The following PXK variants were observed in gnomAD, a reference collection of about 807,000 sequenced individuals.
PXK encodes PX domain containing serine/threonine kinase like.
In PXK, 35 loss-of-function variants were observed where a neutral mutation model predicts 84.7. The ratio of observed to expected loss-of-function variants is 0.41; its 90% CI spans 0.32 to 0.55. The LOEUF is 0.55. Among genes scored for constraint, PXK ranks in the 20% least tolerant of loss-of-function variants. PXK has a pLI of 0.21. For synonymous variants in PXK, 253 were observed against 260.8 expected (o/e 0.97, Z 0.29); for missense variants, 634 against 699.7 (o/e 0.91, Z 1.06).
At chr3:58,392,763 G>A (rs1343611759) in intron 7 of PXK, among the ~76,000 whole-genome samples, 1 of 151,754 alleles carries the variant, frequency 6.6e-6, no homozygotes, top group African/African-American at 2.4e-5. Flanking sequence ...CTGGGTTCAG[G>A]CGATTCTCCT....
At chr3:58,381,588 G>A (rs1319684784) in intron 3 of PXK, among the ~76,000 whole-genome samples, 1 of 148,730 alleles carries the variant, frequency 6.7e-6, no homozygotes, top group Non-Finnish European at 1.5e-5. Context: ...ACAAGTTGCT[G>A]TAAAGGAAAA....
intron 1 of PXK, among the ~76,000 whole-genome samples, chr3:58,363,933 T>C (rs1197285686): frequency 1.3e-5 from 2 of 152,226 alleles, no homozygotes; most frequent in African/African-American, 2.4e-5. Context: ...TTTTCTAAAA[T>C]TTTTTATCAT....
At chr3:58,417,096 G>A (rs981168482) in intron 17 of PXK, among the ~76,000 whole-genome samples, 14 of 152,006 alleles carry the variant, frequency 9.2e-5, no homozygotes, top group Non-Finnish European at 1.9e-4. Context: ...GTAGAGACAG[G>A]GGTCTCATCA....
At chr3:58,404,022 A>G (rs1030290561) in intron 13 of PXK, 112 bp downstream of exon 13, 15 of 588,092 alleles carry the variant, frequency 2.6e-5, no homozygotes, top group Admixed American at 7.5e-5. Context: ...AAATTGGGAA[A>G]TAACCTAAAT....
chr3:58,403,821 G>C (rs202028473), intron 12 of PXK, 41 bp from the exon 13 acceptor site: 1 of 1,383,968 alleles, frequency 7.2e-7, no homozygotes, highest in Non-Finnish European at 1.0e-6. Context: ...GAGAGTGCAC[G>C]TGGTTCAAGA....
chr3:58,350,156 C>G (rs2097896020), intron 1 of PXK, among the ~76,000 whole-genome samples: 1 of 152,180 alleles, frequency 6.6e-6, no homozygotes, highest in African/African-American at 2.4e-5. Context: ...TAGGCATGTT[C>G]TTATAAAAAT....
At position 58,351,395 on chromosome 3, in the gene PXK, T is replaced by TGTG. The variant is rs2097920196; in HGVS notation, c.103-14479_103-14478insGTG. ...GGTGTGCGCCACCACAGCTAGCTATTTGTGTGTGTGTGTGTGTGTGTGTGT... is the reference window on the plus strand; with the variant it reads ...GGTGTGCGCCACCACAGCTAGCTATTGTGTGTGTGTGTGTGTGTGTGTGTGTGT... On this transcript the variant is annotated intron_variant, in intron 1 of 17. Coordinates refer to ENST00000356151, the MANE Select transcript of PXK (RefSeq NM_017771.5). Among the ~76,000 whole-genome samples the TGTG allele has an allele frequency of 5.0e-5, 7 of 140,582 alleles. No homozygotes were observed. In the East Asian group the frequency reaches 1.1e-3, roughly 23 times the overall value. The allele number at this position is 140,582 out of a possible 152,430, so 92.2% of individuals were successfully genotyped here. A position where few individuals can be genotyped will look rare whatever the true frequency, so the allele number is the denominator to read the frequency against.
intron 4 of PXK, among the ~76,000 whole-genome samples, chr3:58,389,837 TA>T (rs1442785169): frequency 2.0e-5 from 3 of 151,332 alleles, no homozygotes; most frequent in Non-Finnish European, 4.4e-5. Flanking sequence ...CCGTTTCTAC[TA>T]AAAATACAAA....
intron 1 of PXK, among the ~76,000 whole-genome samples, chr3:58,337,297 C>A (rs138680683): frequency 1.3e-5 from 2 of 152,314 alleles, no homozygotes; most frequent in East Asian, 3.9e-4. Flanking sequence ...AAATGGATCT[C>A]TCCTTGAACT....
chr3:58,342,628 C>T (rs556912985), intron 1 of PXK, among the ~76,000 whole-genome samples: 169 of 84,018 alleles, frequency 2.0e-3, no homozygotes, highest in African/African-American at 8.2e-3. Flanking sequence ...GAGTGAGACT[C>T]TGTCTCAAAA....
chr3:58,347,905 G>C (rs149634422), intron 1 of PXK, among the ~76,000 whole-genome samples: 3 of 152,004 alleles, frequency 2.0e-5, no homozygotes, highest in Admixed American at 2.0e-4. Context: ...GTTTCTATGA[G>C]GCTAATGAAC....
At chr3:58,336,071 A>ATATATATT (rs1284780630) in intron 1 of PXK, among the ~76,000 whole-genome samples, 17 of 51,574 alleles carry the variant, frequency 3.3e-4, no homozygotes, top group Admixed American at 5.6e-4. Context: ...ATATATATAT[A>ATATATATT]TTTTTTTTTT....
chr3:58,347,053 G>A (rs1490877969), intron 1 of PXK, among the ~76,000 whole-genome samples: 2 of 152,006 alleles, frequency 1.3e-5, no homozygotes, highest in African/African-American at 2.4e-5. Context: ...GTTGGCCAGG[G>A]TGATCTCAAA....
chr3:58,420,408 G>A (rs771225696), intron 17 of PXK: 50 of 1,221,036 alleles, frequency 4.1e-5, no homozygotes, highest in Non-Finnish European at 5.6e-5. Context: ...TCCTAGTTTC[G>A]AAGTGAGAAT....
At chr3:58,357,151 C>A (rs571071298) in intron 1 of PXK, among the ~76,000 whole-genome samples, 71 of 151,904 alleles carry the variant, frequency 4.7e-4, no homozygotes, top group African/African-American at 1.6e-3. Flanking sequence ...TGGCGGCACA[C>A]GCCTGTAGTC....
At chr3:58,336,074 T>A (rs1352859289) in intron 1 of PXK, among the ~76,000 whole-genome samples, 1,607 of 72,228 alleles carry the variant, frequency 0.022, 4 homozygotes, top group East Asian at 0.046. Flanking sequence ...TATATATATT[T>A]TTTTTTTTTT....
intron 1 of PXK, among the ~76,000 whole-genome samples, chr3:58,344,320 T>C (rs2097781216): frequency 6.6e-6 from 1 of 152,240 alleles, no homozygotes; most frequent in South Asian, 2.1e-4. Flanking sequence ...AGGAAAATTA[T>C]TTATTTAAAA....
rs1185082056 is a variant in PXK at position 58,369,490 on chromosome 3, G to A, written c.201+12G>A. On this transcript the variant is annotated intron_variant, in intron 3 of 17. Transcript: ENST00000356151. Reference sequence around the variant, plus strand: ...ACAACAGCTTACAGGTAAATGTTTTGAAATTCTAATTACACACATTGATTA... The same window carrying A: ...ACAACAGCTTACAGGTAAATGTTTTAAAATTCTAATTACACACATTGATTA... 6 of 1,600,966 alleles carry A rather than the reference G, an allele frequency of 3.7e-6. No homozygotes were observed. The highest frequency in any genetic ancestry group is 5.1e-6 in the Non-Finnish European group (6 of 1,168,616).
At chr3:58,353,282 C>T (rs1575844566) in intron 1 of PXK, among the ~76,000 whole-genome samples, 1 of 152,178 alleles carries the variant, frequency 6.6e-6, no homozygotes, top group South Asian at 2.1e-4. Context: ...CAGACATGAG[C>T]CACTGTGCCC....
Sources: allele counts gnomAD v4.1 joint callset (sites outside exome capture counted in the v4.1 genomes callset), GRCh38; gene constraint gnomAD v4.1.1; transcripts MANE v1.5; gene names NCBI Gene and HGNC (gene_info 2026-07-23, HGNC 2026-07-21).